The following SIPA1L1 variants were observed in gnomAD, a reference collection of about 807,000 sequenced individuals.
SIPA1L1 encodes the protein signal induced proliferation associated 1 like 1, also known as signal-induced proliferation-associated 1-like protein 1.
In SIPA1L1, 26 loss-of-function variants were observed where a neutral mutation model predicts 162.7. The ratio of observed to expected loss-of-function variants is 0.16; its 90% CI spans 0.12 to 0.22. SIPA1L1 has a LOEUF of 0.22. Ranked by LOEUF, SIPA1L1 falls within the 10% of genes least tolerant of loss-of-function variation. The pLI, the probability that SIPA1L1 is intolerant of heterozygous loss-of-function variation, is 1.00. For missense variants in SIPA1L1, 1,874 were observed against 2,241.0 expected, an observed-to-expected ratio of 0.84 and a Z score of 3.31; for synonymous variants, 829 against 837.4, an observed-to-expected ratio of 0.99 and a Z score of 0.17.
At chr14:71,343,985 A>G (rs2035908904) in intron 2 of SIPA1L1, among the ~76,000 whole-genome samples, 1 of 152,222 alleles carries the variant, frequency 6.6e-6, no homozygotes, top group Non-Finnish European at 1.5e-5. Context: ...GATGATTTTT[A>G]GATTGCAGTG....
intron 2 of SIPA1L1, among the ~76,000 whole-genome samples, chr14:71,367,133 CT>C (rs1179822969): frequency 6.6e-6 from 1 of 151,962 alleles, no homozygotes; most frequent in East Asian, 1.9e-4. Flanking sequence ...GTGTTTGTGC[CT>C]TTTTATTTTA....
rs2032826529 is a variant in SIPA1L1 at position 71,321,184 on chromosome 14, A to G, written c.-465+3A>G. On this transcript the variant is annotated splice_donor_region_variant and intron_variant, in intron 2 of 23. Coordinates refer to ENST00000381232, the MANE Select transcript of SIPA1L1 (RefSeq NM_001386936.1). The stretch of plus-strand genomic sequence containing the variant: ...GCACCGGGAGGCCGGGCCGAGCGGT[A>G]AGTGGTCCCCGCGCCCGGGTCCTGG... The G allele has an allele frequency of 6.6e-6, 1 of 152,094 alleles. No individual in the cohort carries two copies. The highest frequency in any genetic ancestry group is 1.9e-4 in the East Asian group (1 of 5,130). 9.4% of individuals were successfully genotyped at this position (152,094 alleles called of 1,614,324 possible).
intron 23 of SIPA1L1, 133 bp downstream of exon 23, chr14:71,738,458 G>A (rs2085516606): frequency 1.7e-6 from 1 of 580,650 alleles, no homozygotes; most frequent in Non-Finnish European, 3.0e-6. Flanking sequence ...TGGGGATGCA[G>A]GGATTTCAGT....
chr14:71,577,140 G>A (rs1479314725), intron 4 of SIPA1L1, among the ~76,000 whole-genome samples: 1 of 151,044 alleles, frequency 6.6e-6, no homozygotes, highest in Non-Finnish European at 1.5e-5. Context: ...GGTTCTCAAA[G>A]TGACATGACT....
At chr14:71,567,468 A>T (rs1189008569) in intron 4 of SIPA1L1, among the ~76,000 whole-genome samples, 1 of 152,040 alleles carries the variant, frequency 6.6e-6, no homozygotes, top group African/African-American at 2.4e-5. Flanking sequence ...TTTTTTTTTT[A>T]AAGTGAGGGA....
At chr14:71,405,529 A>G (rs1424190386) in intron 2 of SIPA1L1, among the ~76,000 whole-genome samples, 1 of 152,208 alleles carries the variant, frequency 6.6e-6, no homozygotes, top group Non-Finnish European at 1.5e-5. Flanking sequence ...TGATTTGTAT[A>G]GTGAATGGCC....
intron 3 of SIPA1L1, among the ~76,000 whole-genome samples, chr14:71,517,697 G>T (rs1336859671): frequency 6.6e-6 from 1 of 152,028 alleles, no homozygotes; most frequent in Non-Finnish European, 1.5e-5. Context: ...GACATTGTTT[G>T]ACTTTTTAAA....
intron 4 of SIPA1L1, among the ~76,000 whole-genome samples, chr14:71,577,456 A>C (rs1401766982): frequency 6.6e-6 from 1 of 151,266 alleles, no homozygotes; most frequent in Non-Finnish European, 1.5e-5. Context: ...AGCTTACTGC[A>C]ACCTCCGCCT....
chr14:71,417,912 C>T (rs1402133594), intron 2 of SIPA1L1, among the ~76,000 whole-genome samples: 1 of 152,138 alleles, frequency 6.6e-6, no homozygotes, highest in African/African-American at 2.4e-5. Flanking sequence ...GGCCTGAGGT[C>T]ACTTCAGAAT....
intron 2 of SIPA1L1, among the ~76,000 whole-genome samples, chr14:71,483,006 G>C (rs1420126268): frequency 6.6e-6 from 1 of 152,150 alleles, no homozygotes; most frequent in Non-Finnish European, 1.5e-5. Flanking sequence ...AACAATTTCA[G>C]CTGACAGCTA....
chr14:71,711,528 T>A (rs2082874083), intron 17 of SIPA1L1, among the ~76,000 whole-genome samples: 2 of 152,266 alleles, frequency 1.3e-5, no homozygotes, highest in Admixed American at 1.3e-4. Flanking sequence ...AATATTTCTC[T>A]GGTCCAATGT....
At chr14:71,402,513 C>A (rs755092146) in intron 2 of SIPA1L1, among the ~76,000 whole-genome samples, 1 of 151,874 alleles carries the variant, frequency 6.6e-6, no homozygotes, top group Non-Finnish European at 1.5e-5. Context: ...CACACCTGAC[C>A]AATTTTTGTA....
At position 71,624,107 on chromosome 14, in the gene SIPA1L1, G is replaced by A. The variant is rs145943774; in HGVS notation, c.1689G>A (p.Ser563=). ...EDAIPSTAKH[S]TARGLPLKEV... ...CCATTCCGTCGACAGCCAAGCACTC[G>A]ACAGCCAGAGGCCTGCCTCTCAAAG... is the stretch of plus-strand genomic sequence containing the variant. Residue 563 remains serine, a synonymous_variant, in exon 7 of 24, where the codon TCG becomes TCA. Transcript: ENST00000381232. 3.4e-4 allele frequency: 544 copies of A among 1,613,936 alleles called. No homozygotes were observed. Among genetic ancestry groups the A allele is most frequent in the Non-Finnish European group, 4.2e-4 (501 of 1,179,998 alleles).
chr14:71,406,774 A>T (rs1323606400), intron 2 of SIPA1L1, among the ~76,000 whole-genome samples: 2 of 152,094 alleles, frequency 1.3e-5, no homozygotes, highest in African/African-American at 4.8e-5. Flanking sequence ...ATTTTCAAGG[A>T]TAATTGTTAG....
At chr14:71,321,932 T>G (rs2033067387) in intron 2 of SIPA1L1, 1 of 152,186 alleles carries the variant, frequency 6.6e-6, no homozygotes, top group African/African-American at 2.4e-5. Context: ...TTAGCTAAAT[T>G]GTTGGCATTC....
Position 71,702,501 on chromosome 14 carries a change from G to C in SIPA1L1, c.3642G>C (p.Gln1214His). ...WQRSEDSIAD[Q>H]MEPTCHLPAV... is the part of the protein sequence containing the mutation. ...GAAGTGAGGATAGCATTGCTGACCA[G>C]ATGGGTAAGTAATCAATTTCTACAA... The change falls in exon 15 of 24, where the codon CAG (glutamine) becomes CAC (histidine). Residue 1214 changes from glutamine (Q) to histidine (H), a missense_variant. Gln to His is a conservative substitution (Grantham distance 24). Around this residue, in one of 5 missense-constraint regions of SIPA1L1, gnomAD observed 936 missense variants for 1,051.9 expected, o/e 0.89. Coordinates refer to ENST00000381232, the MANE Select transcript of SIPA1L1 (RefSeq NM_001386936.1). The C allele has an allele frequency of 1.2e-6, 2 of 1,613,972 alleles. No homozygotes were observed. Among genetic ancestry groups the C allele is most frequent in the Non-Finnish European group, 1.7e-6 (2 of 1,179,878 alleles).
At chr14:71,461,159 T>G (rs922266564) in intron 2 of SIPA1L1, among the ~76,000 whole-genome samples, 6 of 152,180 alleles carry the variant, frequency 3.9e-5, no homozygotes, top group African/African-American at 1.4e-4. Context: ...CCAGTGAGGA[T>G]GAACCTCTGC....
intron 17 of SIPA1L1, among the ~76,000 whole-genome samples, chr14:71,716,897 G>C (rs1468678266): frequency 6.6e-6 from 1 of 152,156 alleles, no homozygotes; most frequent in Non-Finnish European, 1.5e-5. Flanking sequence ...GATCCTCGGT[G>C]ACCTCACTAC....
intron 4 of SIPA1L1, among the ~76,000 whole-genome samples, chr14:71,561,663 C>T (rs1161481743): frequency 6.6e-6 from 1 of 152,238 alleles, no homozygotes; most frequent in Non-Finnish European, 1.5e-5. Context: ...TCTCGGCTCA[C>T]TGCAAACTCC....
Sources: allele counts gnomAD v4.1 joint callset (sites outside exome capture counted in the v4.1 genomes callset), GRCh38; gene constraint gnomAD v4.1.1; regional missense constraint gnomAD v4.1.1; transcripts MANE v1.5; gene names NCBI Gene and HGNC (gene_info 2026-07-23, HGNC 2026-07-21).